The following SETDB2 variants were observed in gnomAD, a reference collection of about 807,000 sequenced individuals.
SETDB2 encodes histone-lysine N-methyltransferase SETDB2.
In SETDB2, 56 loss-of-function variants were observed where a neutral mutation model predicts 82.5. The observed-to-expected ratio is 0.68, with a 90% CI of 0.55 to 0.85. The LOEUF is 0.85. Among genes scored for constraint, SETDB2 ranks in the 40% least tolerant of loss-of-function variants. The probability of loss-of-function intolerance (pLI) is 0.00; values close to 1 mark genes in which losing one functional copy is unlikely to be tolerated. For missense variants in SETDB2, 677 were observed against 816.4 expected, an observed-to-expected ratio of 0.83 and a Z score of 2.08; for synonymous variants, 272 against 284.9, an observed-to-expected ratio of 0.95 and a Z score of 0.46.
chr13:49,464,711 G>T (rs1958066647), intron 4 of SETDB2, among the ~76,000 whole-genome samples: 1 of 152,124 alleles, frequency 6.6e-6, no homozygotes, highest in Non-Finnish European at 1.5e-5. Flanking sequence ...AACAGTTGGG[G>T]AGAGTTATGT....
At chr13:49,452,627 T>C (rs908217506) in intron 2 of SETDB2, among the ~76,000 whole-genome samples, 3 of 152,230 alleles carry the variant, frequency 2.0e-5, no homozygotes, top group African/African-American at 7.2e-5. Context: ...CTTTTTCCAT[T>C]CCAAGATCCC....
intron 2 of SETDB2, among the ~76,000 whole-genome samples, chr13:49,457,215 C>CTTTT (rs573356682): frequency 9.9e-5 from 8 of 81,018 alleles, no homozygotes; most frequent in East Asian, 6.5e-4. Flanking sequence ...ATTTCTAAGA[C>CTTTT]TTTTTTTTTT....
At chr13:49,472,844 C>G (rs2138921594) in intron 5 of SETDB2, among the ~76,000 whole-genome samples, 1 of 152,238 alleles carries the variant, frequency 6.6e-6, no homozygotes, top group African/African-American at 2.4e-5. Flanking sequence ...ACATGTATTT[C>G]TCAGTGTTAA....
At chr13:49,449,568 AT>A (rs200652208) in intron 1 of SETDB2, among the ~76,000 whole-genome samples, 32 of 150,898 alleles carry the variant, frequency 2.1e-4, no homozygotes, top group Admixed American at 1.1e-3. Flanking sequence ...TTCTTTGTTC[AT>A]TTTTTTTTAA....
intron 10 of SETDB2, 25 bp downstream of exon 10, chr13:49,483,588 G>A (rs777213984): frequency 1.4e-5 from 12 of 840,044 alleles, no homozygotes; most frequent in Non-Finnish European, 1.1e-5. Flanking sequence ...ATGTAGTTGG[G>A]ACCCTTCTTT....
intron 10 of SETDB2, 45 bp downstream of exon 10, chr13:49,483,608 A>ATT (rs1958523349): frequency 1.2e-5 from 6 of 490,654 alleles, no homozygotes; most frequent in South Asian, 1.1e-4. Flanking sequence ...TTCTTTTTTA[A>ATT]ATTTTTTTTT....
At position 49,488,373 on chromosome 13, in the gene SETDB2, G is replaced by A; in HGVS notation, c.1660G>A (p.Glu554Lys). ...SDVIDITKYR[E>K]ETPPRSRCNQ... Reference sequence around the variant, plus strand: ...TGTGATAGATATAACTAAATATAGAGAAGAAACTCCACCAAGGAGCAGATG... The same window carrying A: ...TGTGATAGATATAACTAAATATAGAAAAGAAACTCCACCAAGGAGCAGATG... The change falls in exon 12 of 14, where the codon GAA (glutamate) becomes AAA (lysine). Residue 554 changes from glutamate (E) to lysine (K), a missense_variant. Glu to Lys is a moderately conservative substitution (Grantham distance 56, BLOSUM62 1). This residue lies in a region of SETDB2 where 420 missense variants were observed against 554.6 expected (regional missense o/e 0.76). Transcript: ENST00000611815. The A allele has an allele frequency of 6.2e-7, 1 of 1,612,882 alleles. No individual in the cohort carries two copies. Among genetic ancestry groups the A allele is most frequent in the South Asian group, 1.1e-5 (1 of 90,728 alleles).
intron 10 of SETDB2, 30 bp downstream of exon 10, chr13:49,483,593 T>A: frequency 1.3e-6 from 1 of 757,780 alleles, no homozygotes; most frequent in Non-Finnish European, 2.1e-6. Context: ...GTTGGGACCC[T>A]TCTTTTCTTT....
chr13:49,457,634 C>G (rs1023489383), intron 2 of SETDB2, among the ~76,000 whole-genome samples: 9 of 152,074 alleles, frequency 5.9e-5, no homozygotes, highest in African/African-American at 2.2e-4. Context: ...TGGGGTTTCA[C>G]CGTGTTGGCC....
chr13:49,447,040 T>A (rs1474468019), intron 1 of SETDB2, among the ~76,000 whole-genome samples: 2 of 152,180 alleles, frequency 1.3e-5, no homozygotes, highest in Non-Finnish European at 2.9e-5. Context: ...TGAGATATTA[T>A]CTTCTTCATT....
Position 49,480,273 on chromosome 13 carries a change from G to A in SETDB2, c.924G>A (p.Leu308=), listed in dbSNP as rs769286718. 2.5e-6 allele frequency: 4 copies of A among 1,611,632 alleles called. No homozygotes were observed. In the South Asian group the frequency reaches 3.3e-5, roughly 13 times the overall value. Residue 308 remains leucine (L), a synonymous_variant, in exon 7 of 14, where the codon TTG becomes TTA. Coordinates refer to ENST00000611815, the MANE Select transcript of SETDB2 (RefSeq NM_001160308.3). The part of the protein sequence containing the change: ...LTARNAKTSP[L]SSDKITTGYK... ...CAAGGAATGCCAAAACTTCCCCCTTGTCAAGTGACAAAATAACCACTGGAT... is the reference window on the plus strand; with the variant it reads ...CAAGGAATGCCAAAACTTCCCCCTTATCAAGTGACAAAATAACCACTGGAT...
At chr13:49,472,558 T>G (rs1335047895) in intron 5 of SETDB2, among the ~76,000 whole-genome samples, 1 of 152,206 alleles carries the variant, frequency 6.6e-6, no homozygotes, top group African/African-American at 2.4e-5. Context: ...ATACTGTGCA[T>G]AGAATTGGTT....
chr13:49,446,411 A>C (rs896972023), intron 1 of SETDB2: 7 of 455,062 alleles, frequency 1.5e-5, no homozygotes, highest in African/African-American at 1.0e-4. Context: ...ATGTTCCCTC[A>C]CTCCTCTCCC....
intron 6 of SETDB2, among the ~76,000 whole-genome samples, chr13:49,477,981 G>A (rs536243624): frequency 8.3e-4 from 126 of 152,222 alleles, no homozygotes; most frequent in African/African-American, 2.9e-3. Flanking sequence ...ACATACATTC[G>A]TAGGTATACA....
chr13:49,489,916 C>CG (rs1958676115), intron 12 of SETDB2, among the ~76,000 whole-genome samples: 1 of 49,002 alleles, frequency 2.0e-5, no homozygotes, highest in Non-Finnish European at 6.6e-5. Flanking sequence ...CGCCCCCCCC[C>CG]CCTTTTTTTT....
rs1255060863 is a variant in SETDB2, at chr13:49,490,840, C to G, written c.1936C>G (p.Leu646Val). 6.2e-7 allele frequency: 1 copy of G among 1,612,258 alleles called. No homozygotes were observed. ...RFLNHSCCPN[L>V]LVQNVFVETH... ...TTAACAGCATAGTTGTTGCCCAAAT[C>G]TCTTGGTACAGAATGTTTTTGTAGA... Residue 646 changes from leucine (L) to valine (V), a missense_variant, in exon 13 of 14, where the codon CTC becomes GTC. Leu to Val is a conservative substitution (Grantham distance 32). Around this residue, in one of 3 missense-constraint regions of SETDB2, gnomAD observed 420 missense variants for 554.6 expected, o/e 0.76. Transcript: ENST00000611815.
chr13:49,482,730 C>G lies in SETDB2; in HGVS notation c.1157-7C>G. Reference sequence around the variant, plus strand: ...GTTGTTCAAACTCTTTAACATTTTCCTTTTAGGAAGATTACTAAGCAGAGC... The same window carrying G: ...GTTGTTCAAACTCTTTAACATTTTCGTTTTAGGAAGATTACTAAGCAGAGC... On this transcript the variant is annotated splice_polypyrimidine_tract_variant and splice_region_variant and intron_variant, in intron 8 of 13. Transcript: ENST00000611815. The G allele has an allele frequency of 6.3e-7, 1 of 1,581,896 alleles. No homozygotes were observed. Among genetic ancestry groups the G allele is most frequent in the Non-Finnish European group, 8.7e-7 (1 of 1,155,452 alleles).
intron 12 of SETDB2, 35 bp from the exon 13 acceptor site, chr13:49,490,787 T>C: frequency 6.7e-7 from 1 of 1,503,144 alleles, no homozygotes; most frequent in Non-Finnish European, 9.2e-7. Flanking sequence ...GACTTTATGC[T>C]ATTTCTAACC....
At chr13:49,477,071 T>A in intron 6 of SETDB2, 32 bp downstream of exon 6, 1 of 1,520,390 alleles carries the variant, frequency 6.6e-7, no homozygotes, top group South Asian at 1.3e-5. Context: ...TTCAAAAAAA[T>A]CTTCTGAATG....
Sources: allele counts gnomAD v4.1 joint callset (sites outside exome capture counted in the v4.1 genomes callset), GRCh38; gene constraint gnomAD v4.1.1; regional missense constraint gnomAD v4.1.1; transcripts MANE v1.5; gene names NCBI Gene and HGNC (gene_info 2026-07-23, HGNC 2026-07-21).